The following CCDC7 variants were observed in gnomAD, a reference collection of about 807,000 sequenced individuals.
The protein encoded by CCDC7 is coiled-coil domain-containing protein 7.
In CCDC7, 183 loss-of-function variants were observed where a neutral mutation model predicts 196.9. That is an observed-to-expected ratio of 0.93 (90% CI 0.82 to 1.05). The LOEUF (loss-of-function observed/expected upper bound fraction) is 1.05, where lower values mean the gene tolerates loss of function less well. CCDC7 is among the 50% of genes least tolerant of loss of function. The pLI is 0.00. For missense variants in CCDC7, 1,540 were observed against 1,482.2 expected (o/e 1.04, Z -0.64); for synonymous variants, 525 against 484.6 (o/e 1.08, Z -1.10).
Position 32,814,366 on chromosome 10 carries a change from A to G in CCDC7, c.3098-4A>G, listed in dbSNP as rs566313640. On this transcript the variant is annotated splice_region_variant and splice_polypyrimidine_tract_variant and intron_variant, in intron 30 of 41. Transcript: ENST00000639629. The stretch of plus-strand genomic sequence containing the variant: ...AGTGTTTTGATACCTGTTTATTTCT[A>G]TAGGGCCTGATATAGAACAATTGAC... 2.6e-5 allele frequency: 41 copies of G among 1,579,796 alleles called. No homozygotes were observed. In the Admixed American group the frequency reaches 2.7e-4, roughly 10 times the overall value.
At chr10:32,473,819 G>A (rs1384954325) in intron 7 of CCDC7, 148 bp from the exon 9 acceptor site, 1 of 617,092 alleles carries the variant, frequency 1.6e-6, no homozygotes, top group Non-Finnish European at 2.6e-6. Context: ...ACCTGATTAG[G>A]AAGATCTGCA....
intron 25 of CCDC7, among the ~76,000 whole-genome samples, chr10:32,720,770 G>C (rs374463681): frequency 1.3e-5 from 2 of 152,180 alleles, no homozygotes; most frequent in African/African-American, 2.4e-5. Flanking sequence ...AAGTGCCCCA[G>C]AGGCTTTTCA....
chr10:32,634,952 G>A (rs2065397578), intron 19 of CCDC7, 105 bp from the exon 21 acceptor site: 1 of 394,534 alleles, frequency 2.5e-6, no homozygotes, highest in South Asian at 1.3e-4. Flanking sequence ...CCTCACTGCT[G>A]TAACTTCCTA....
intron 28 of CCDC7, among the ~76,000 whole-genome samples, chr10:32,756,045 G>T (rs1000501265): frequency 2.6e-5 from 4 of 152,072 alleles, no homozygotes; most frequent in Non-Finnish European, 5.9e-5. Flanking sequence ...AGCGAGAAGA[G>T]AAATTTAGAG....
intron 21 of CCDC7, among the ~76,000 whole-genome samples, chr10:32,666,698 C>T (rs917773337): frequency 1.1e-4 from 16 of 152,132 alleles, no homozygotes; most frequent in Middle Eastern, 3.2e-3. Flanking sequence ...CTACAAAGGA[C>T]ATGAACTCAT....
chr10:32,623,781 G>A (rs189157812), intron 18 of CCDC7: 54 of 470,334 alleles, frequency 1.1e-4, no homozygotes, highest in African/African-American at 8.0e-4. Flanking sequence ...GCTTCTACTC[G>A]TGCAGGAAGG....
chr10:32,589,080 T>A (rs2059554386), intron 18 of CCDC7, among the ~76,000 whole-genome samples: 1 of 152,146 alleles, frequency 6.6e-6, no homozygotes, highest in African/African-American at 2.4e-5. Flanking sequence ...GTCACCCTAT[T>A]GTGCTATCAA....
In CCDC7 at chr10:32,729,017, A is replaced by G. The variant is rs771832183; in HGVS notation, c.2779+20A>G. 4 of 1,447,120 alleles carry G rather than the reference A, an allele frequency of 2.8e-6. No homozygotes were observed. The highest frequency in any genetic ancestry group is 1.4e-5 in the African/African-American group (1 of 71,122). 89.6% of individuals were successfully genotyped at this position (1,447,120 alleles called of 1,614,324 possible). A position where few individuals can be genotyped will look rare whatever the true frequency, so the allele number is the denominator to read the frequency against. Reference sequence around the variant, plus strand: ...ACAAGAGTGAGTATAATAATTATCGATAACTTTAAATTATTTTATGTTGAA... The same window carrying G: ...ACAAGAGTGAGTATAATAATTATCGGTAACTTTAAATTATTTTATGTTGAA... On this transcript the variant is annotated intron_variant, in intron 27 of 41. Coordinates refer to ENST00000639629, the Ensembl canonical transcript of CCDC7.
chr10:32,793,666 A>C (rs1215371478), intron 29 of CCDC7, among the ~76,000 whole-genome samples: 1 of 152,170 alleles, frequency 6.6e-6, no homozygotes, highest in East Asian at 1.9e-4. Flanking sequence ...TTCTTTATTC[A>C]TACATTTGTT....
rs559419783 is a variant in CCDC7 at position 32,543,921 on chromosome 10, T to C, written c.1080-326T>C. ...AAAAGGAAACTATGAAGTCAAACTTTATAGAATTCCACAAATCCTGAAAAG... is the reference window on the plus strand; with the variant it reads ...AAAAGGAAACTATGAAGTCAAACTTCATAGAATTCCACAAATCCTGAAAAG... On this transcript the variant is annotated intron_variant, in intron 12 of 41. Transcript: ENST00000639629. Among the ~76,000 whole-genome samples, 4 of 152,184 alleles carry C rather than the reference T, an allele frequency of 2.6e-5. No individual in the cohort carries two copies. In the South Asian group the frequency reaches 8.3e-4, roughly 32 times the overall value.
rs542714507 is a variant in CCDC7, at chr10:32,560,466, C to T, written c.1135-5092C>T. 9.8e-5 allele frequency among the ~76,000 whole-genome samples: 15 copies of T among 152,298 alleles called. No homozygotes were observed. In the East Asian group the frequency reaches 1.7e-3, roughly 18 times the overall value. On this transcript the variant is annotated intron_variant, in intron 13 of 41. Coordinates refer to ENST00000639629, the Ensembl canonical transcript of CCDC7. ...AAAGGGAAGCCCATCAGACTAATAG[C>T]GGATCTCTCAGCAGAAACTCTGCAA... is the stretch of plus-strand genomic sequence containing the variant.
intron 3 of CCDC7, among the ~76,000 whole-genome samples, chr10:32,459,807 C>CAAGAAATGAA (rs2035237793): frequency 6.6e-6 from 1 of 151,876 alleles, no homozygotes; most frequent in Non-Finnish European, 1.5e-5. Flanking sequence ...ATGAACAAGG[C>CAAGAAATGAA]CAAAGGACCT....
chr10:32,821,196 C>A (rs12220460), intron 31 of CCDC7, among the ~76,000 whole-genome samples: 3 of 152,124 alleles, frequency 2.0e-5, no homozygotes, highest in Non-Finnish European at 4.4e-5. Flanking sequence ...ATGCAGCCAA[C>A]GGACACATGA....
intron 9 of CCDC7, among the ~76,000 whole-genome samples, chr10:32,505,117 T>C (rs75232302): frequency 0.011 from 1,600 of 152,094 alleles, 27 homozygotes; most frequent in African/African-American, 0.037. Flanking sequence ...AAAATTGTTA[T>C]AACCTCTTGA....
Position 32,691,819 on chromosome 10 carries a change from A to G in CCDC7, c.2344+2656A>G, listed in dbSNP as rs529694197. Reference sequence around the variant, plus strand: ...GTAGCCTCTGCAGATGATGGCCCAAACATGTTTTCCAGTAGCAGGGAACAT... The same window carrying G: ...GTAGCCTCTGCAGATGATGGCCCAAGCATGTTTTCCAGTAGCAGGGAACAT... On this transcript the variant is annotated intron_variant, in intron 23 of 41. Transcript: ENST00000639629. Among the ~76,000 whole-genome samples the G allele has an allele frequency of 1.6e-3, 240 of 152,288 alleles. 2 individuals are homozygous for G. The highest frequency in any genetic ancestry group is 4.2e-3 in the African/African-American group (176 of 41,566).
intron 28 of CCDC7, among the ~76,000 whole-genome samples, chr10:32,767,369 A>C (rs1220944121): frequency 2.0e-5 from 3 of 152,166 alleles, no homozygotes; most frequent in African/African-American, 7.2e-5. Flanking sequence ...CAAATGAGAT[A>C]TATTTCAGGG....
At chr10:32,500,494 C>T (rs952634713) in intron 9 of CCDC7, among the ~76,000 whole-genome samples, 18 of 151,720 alleles carry the variant, frequency 1.2e-4, no homozygotes, top group Admixed American at 2.6e-4. Flanking sequence ...CGATGGGCGG[C>T]GGGGCAGAGA....
intron 8 of CCDC7, among the ~76,000 whole-genome samples, chr10:32,484,826 C>G (rs1010736044): frequency 1.3e-5 from 2 of 152,178 alleles, no homozygotes; most frequent in Admixed American, 1.3e-4. Context: ...GTTGAACCAG[C>G]CTTGCATCCC....
intron 20 of CCDC7, among the ~76,000 whole-genome samples, chr10:32,638,295 C>T (rs2066041003): frequency 6.6e-6 from 1 of 152,206 alleles, no homozygotes; most frequent in Non-Finnish European, 1.5e-5. Context: ...GAGAGGACAT[C>T]CCTGTCTTGT....
Sources: gnomAD v4.1 joint callset for allele counts (sites outside exome capture counted in the v4.1 genomes callset) on GRCh38, gnomAD v4.1.1 for gene constraint, MANE v1.5 for transcripts, NCBI Gene and HGNC (gene_info 2026-07-23, HGNC 2026-07-21) for gene names.